The following RPTOR variants were observed in gnomAD, a reference collection of about 807,000 sequenced individuals.
The protein encoded by RPTOR is regulatory-associated protein of mTOR.
A neutral mutation model predicts 169.9 loss-of-function variants in RPTOR; 21 were observed. The observed-to-expected ratio is 0.12, with a 90% confidence interval of 0.09 to 0.18. RPTOR has a LOEUF of 0.18. Ranked by LOEUF, RPTOR falls within the 10% of genes least tolerant of loss-of-function variation. The pLI, the probability that RPTOR is intolerant of heterozygous loss-of-function variation, is 1.00. For synonymous variants in RPTOR, 732 were observed against 753.2 expected (o/e 0.97, Z 0.46); for missense variants, 1,133 against 1,855.9 (o/e 0.61, Z 7.16).
rs756274604 is a variant in RPTOR at position 80,846,559 on chromosome 17, G to A, written c.1299G>A (p.Leu433=). 1.7e-5 allele frequency: 28 copies of A among 1,614,172 alleles called. No individual in the cohort carries two copies. The highest frequency in any genetic ancestry group is 2.4e-5 in the Non-Finnish European group (28 of 1,179,980). ...GVENRNPPEQ[L]PIVLQVLLSQ... ...AGAACCGAAACCCACCCGAACAGCT[G>A]CCCATCGTCCTGCAGGTGAGTTTCT... is the stretch of plus-strand genomic sequence containing the variant. Residue 433 remains leucine, a synonymous_variant, in exon 11 of 34, where the codon CTG becomes CTA. Transcript: ENST00000306801.
intron 1 of RPTOR, among the ~76,000 whole-genome samples, chr17:80,606,561 A>G (rs1027168929): frequency 6.6e-6 from 1 of 151,570 alleles, no homozygotes; most frequent in African/African-American, 2.4e-5. Context: ...TTCCCACCCT[A>G]CCTTTTCTTG....
chr17:80,966,170 C>A lies in RPTOR; in HGVS notation c.*1840C>A. 1 of 190,714 alleles carries A rather than the reference C, an allele frequency of 5.2e-6. No homozygotes were observed. The highest frequency in any genetic ancestry group is 1.1e-5 in the Non-Finnish European group (1 of 93,970). The allele number at this position is 190,714 out of a possible 1,614,324, so 11.8% of individuals were successfully genotyped here. A position where few individuals can be genotyped will look rare whatever the true frequency, so the allele number is the denominator to read the frequency against. ...AGCCCACCCCCATGGGCACCGCGTG[C>A]CGCCTGCACGTGGGCTGTCTTCACA... On this transcript the variant is annotated 3_prime_UTR_variant, in exon 34 of 34. Transcript: ENST00000306801.
At chr17:80,776,914 G>A (rs1287411688) in intron 6 of RPTOR, among the ~76,000 whole-genome samples, 1 of 152,176 alleles carries the variant, frequency 6.6e-6, no homozygotes, top group East Asian at 1.9e-4. Context: ...AATCTTTTTG[G>A]TGAACCCAAG....
chr17:80,600,671 C>T (rs553600876), intron 1 of RPTOR, among the ~76,000 whole-genome samples: 10 of 152,264 alleles, frequency 6.6e-5, no homozygotes, highest in African/African-American at 2.2e-4. Flanking sequence ...ACACAGGCTT[C>T]TCAGCTGGGC....
At chr17:80,680,244 AC>A (rs1036066710) in intron 3 of RPTOR, among the ~76,000 whole-genome samples, 2 of 151,906 alleles carry the variant, frequency 1.3e-5, no homozygotes, top group African/African-American at 4.8e-5. Flanking sequence ...CAAGTCTAGA[AC>A]CCCCTTTCTT....
chr17:80,742,189 A>G (rs1198606917), intron 5 of RPTOR, among the ~76,000 whole-genome samples: 5 of 152,304 alleles, frequency 3.3e-5, no homozygotes, highest in Admixed American at 2.0e-4. Flanking sequence ...CATGGACATT[A>G]TGAGAGCATG....
chr17:80,747,545 T>C (rs2066587848), intron 5 of RPTOR, among the ~76,000 whole-genome samples: 1 of 152,280 alleles, frequency 6.6e-6, no homozygotes, highest in Admixed American at 6.5e-5. Context: ...GATAAAGCTC[T>C]TTCTACATCT....
intron 4 of RPTOR, among the ~76,000 whole-genome samples, chr17:80,714,372 C>T (rs2066222523): frequency 6.6e-6 from 1 of 152,182 alleles, no homozygotes; most frequent in African/African-American, 2.4e-5. Flanking sequence ...AACATTTATA[C>T]AGCCGTCCAC....
At chr17:80,583,929 C>G (rs2065038464) in intron 1 of RPTOR, among the ~76,000 whole-genome samples, 1 of 152,174 alleles carries the variant, frequency 6.6e-6, no homozygotes, top group South Asian at 2.1e-4. Flanking sequence ...CGGAGGGTGT[C>G]CCCCAGCTCT....
chr17:80,650,923 T>C (rs1454974854), intron 3 of RPTOR, among the ~76,000 whole-genome samples: 2 of 152,172 alleles, frequency 1.3e-5, no homozygotes, highest in Non-Finnish European at 2.9e-5. Flanking sequence ...TAGAGAGAAG[T>C]AGGGGCTTAA....
chr17:80,947,485 C>G lies in RPTOR; in HGVS notation c.3265+134C>G. On this transcript the variant is annotated intron_variant, in intron 27 of 33. Transcript: ENST00000306801. The surrounding 1 kb of genome is among the most constrained non-coding windows in gnomAD (Gnocchi z 4.4). ...CTCACACGCGAGGGCCACTGTCATT[C>G]AGAAGTGGGGAGGTTTATGAGGGAA... The G allele has an allele frequency of 8.3e-7, 1 of 1,210,040 alleles. No individual in the cohort carries two copies. Among genetic ancestry groups the G allele is most frequent in the Admixed American group, 3.9e-5 (1 of 25,774 alleles). The allele number at this position is 1,210,040 out of a possible 1,614,324, so 75.0% of individuals were successfully genotyped here.
At position 80,966,117 on chromosome 17, in the gene RPTOR, A is replaced by ACCCTCCCCCCCCCCCCCCCC. The variant is rs2069426599; in HGVS notation, c.*1790_*1791insTCCCCCCCCCCCCCCCCCCC. 5.7e-6 allele frequency: 1 copy of ACCCTCCCCCCCCCCCCCCCC among 175,608 alleles called. No individual in the cohort carries two copies. The highest frequency in any genetic ancestry group is 1.1e-5 in the Non-Finnish European group (1 of 93,008). The allele number at this position is 175,608 out of a possible 1,614,324, so 10.9% of individuals were successfully genotyped here. A position where few individuals can be genotyped will look rare whatever the true frequency, so the allele number is the denominator to read the frequency against. ...GGCAGGTGGCTCCAGAGGGGTCAAG[A>ACCCTCCCCCCCCCCCCCCCC]CCCCCCCCCGCCCCCGCTCCACCCT... On this transcript the variant is annotated 3_prime_UTR_variant, in exon 34 of 34. Coordinates refer to ENST00000306801, the MANE Select transcript of RPTOR (RefSeq NM_020761.3).
At chr17:80,946,614 A>G (rs1009222475) in intron 26 of RPTOR, among the ~76,000 whole-genome samples, 2 of 152,222 alleles carry the variant, frequency 1.3e-5, no homozygotes, top group African/African-American at 4.8e-5. Context: ...GGCTCAGCGC[A>G]GTGTCTTTAA....
intron 1 of RPTOR, among the ~76,000 whole-genome samples, chr17:80,621,330 A>T (rs1226340445): frequency 6.6e-6 from 1 of 152,252 alleles, no homozygotes; most frequent in African/African-American, 2.4e-5. Context: ...TACTCATTTG[A>T]CTGAGAATGT....
intron 3 of RPTOR, among the ~76,000 whole-genome samples, chr17:80,675,771 C>T (rs1367231672): frequency 2.0e-5 from 3 of 152,218 alleles, no homozygotes; most frequent in South Asian, 4.1e-4. Flanking sequence ...AATTTCAGAA[C>T]GTGCCCCTGC....
chr17:80,809,310 G>C (rs1157106800), intron 7 of RPTOR, among the ~76,000 whole-genome samples: 12 of 152,164 alleles, frequency 7.9e-5, no homozygotes. Flanking sequence ...TCGTGCCTTA[G>C]CCTGTTGAGT....
At chr17:80,738,032 G>A (rs1452095897) in intron 5 of RPTOR, among the ~76,000 whole-genome samples, 1 of 149,018 alleles carries the variant, frequency 6.7e-6, no homozygotes, top group Non-Finnish European at 1.5e-5. Flanking sequence ...GGGGGGCAGG[G>A]CTGGCCCTTG....
At chr17:80,556,899 G>A (rs1044208587) in intron 1 of RPTOR, among the ~76,000 whole-genome samples, 1 of 152,208 alleles carries the variant, frequency 6.6e-6, no homozygotes, top group Non-Finnish European at 1.5e-5. Context: ...TTCGAGACCA[G>A]CCTGCCCAAC....
chr17:80,895,331 A>T (rs76650185), intron 20 of RPTOR, among the ~76,000 whole-genome samples: 4,424 of 151,818 alleles, frequency 0.029, 135 homozygotes, highest in African/African-American at 0.074. Context: ...CCCACGCCCC[A>T]CCTGGAATCA....
Sources: gnomAD v4.1 joint callset for allele counts (sites outside exome capture counted in the v4.1 genomes callset) on GRCh38, gnomAD v4.1.1 for gene constraint, Gnocchi (gnomAD v3.1) non-coding constraint, MANE v1.5 for transcripts, NCBI Gene and HGNC (gene_info 2026-07-23, HGNC 2026-07-21) for gene names.